E2F7: variants seen among roughly 807,000 people sequenced by gnomAD.
The protein encoded by E2F7 is E2F transcription factor 7, also known as transcription factor E2F7.
In E2F7, 35 loss-of-function variants were observed where a neutral mutation model predicts 81.1. The ratio of observed to expected loss-of-function variants is 0.43; its 90% confidence interval spans 0.33 to 0.57. The LOEUF (loss-of-function observed/expected upper bound fraction) is 0.57. Ranked by LOEUF, E2F7 falls within the 20% of genes least tolerant of loss-of-function variation. E2F7 has a pLI of 0.04. For missense variants in E2F7, 961 were observed against 1,093.7 expected (o/e 0.88, Z 1.71); for synonymous variants, 416 against 416.2 (o/e 1.00, Z 0.01).
intron 4 of E2F7, among the ~76,000 whole-genome samples, chr12:77,049,912 C>T (rs1369514320): frequency 1.3e-5 from 2 of 152,146 alleles, no homozygotes; most frequent in African/African-American, 4.8e-5. Context: ...GCTTATTTAA[C>T]GAGTGTCAAC....
At chr12:77,044,484 C>A in intron 6 of E2F7, 153 bp downstream of exon 6, 1 of 908,340 alleles carries the variant, frequency 1.1e-6, no homozygotes, top group Non-Finnish European at 1.6e-6. Context: ...GACTAACTTA[C>A]CTCTCACAGC....
rs1428976548 is a variant in E2F7, at chr12:77,021,665, A to C, written c.*2350T>G. The C allele has an allele frequency of 6.6e-6, 1 of 152,562 alleles. No homozygotes were observed. Among genetic ancestry groups the C allele is most frequent in the Non-Finnish European group, 1.5e-5 (1 of 68,006 alleles). The allele number at this position is 152,562 out of a possible 1,614,324, so 9.5% of individuals were successfully genotyped here. Reference sequence around the variant, plus strand: ...GTAGGGCACACACAGCCTCTGTGACAACTCAAAAAAGCTGCATTCTCTTAG... The same window carrying C: ...GTAGGGCACACACAGCCTCTGTGACCACTCAAAAAAGCTGCATTCTCTTAG... On this transcript the variant is annotated 3_prime_UTR_variant, in exon 13 of 13. Coordinates refer to ENST00000322886, the MANE Select transcript of E2F7 (RefSeq NM_203394.3).
intron 5 of E2F7, 142 bp downstream of exon 5, chr12:77,045,896 C>T (rs1193541455): frequency 9.0e-7 from 1 of 1,111,152 alleles, no homozygotes; most frequent in Non-Finnish European, 1.3e-6. Flanking sequence ...CCATCTGCTT[C>T]TCTTTCTTCA....
Position 77,025,967 on chromosome 12 carries a change from T to C in E2F7, c.2156A>G (p.Asn719Ser), listed in dbSNP as rs1220655988. ...GGTTTGACTGCCAGATAAAAGTACATTGAAACCATTTAATCCTGAAAGAAA... is the reference window on the plus strand; with the variant it reads ...GGTTTGACTGCCAGATAAAAGTACACTGAAACCATTTAATCCTGAAAGAAA... ...VQSPAGLNGF[N>S]VLLSGSQTPP... The change falls in exon 12 of 13, where the codon AAT becomes AGT. Residue 719 changes from asparagine (N) to serine (S), a missense_variant. By Grantham distance (46) the Asn-to-Ser change is conservative. Coordinates refer to ENST00000322886, the MANE Select transcript of E2F7 (RefSeq NM_203394.3). 5.6e-6 allele frequency: 9 copies of C among 1,609,148 alleles called. No individual in the cohort carries two copies. Among genetic ancestry groups the C allele is most frequent in the African/African-American group, 4.0e-5 (3 of 74,564 alleles).
Position 77,021,258 on chromosome 12 carries a change from A to G in E2F7, c.*2757T>C, listed in dbSNP as rs1279485945. 6.6e-6 allele frequency: 1 copy of G among 152,636 alleles called. No individual in the cohort carries two copies. Among genetic ancestry groups the G allele is most frequent in the African/African-American group, 2.4e-5 (1 of 41,442 alleles). 9.5% of individuals were successfully genotyped at this position (152,636 alleles called of 1,614,324 possible). A position where few individuals can be genotyped will look rare whatever the true frequency, so the allele number is the denominator to read the frequency against. On this transcript the variant is annotated 3_prime_UTR_variant, in exon 13 of 13. Coordinates refer to ENST00000322886, the MANE Select transcript of E2F7 (RefSeq NM_203394.3). The stretch of plus-strand genomic sequence containing the variant: ...TACAACCACCATCTCTTCTTAAATG[A>G]ATTATTTTTTATTGCTATTTTATAA...
intron 2 of E2F7, among the ~76,000 whole-genome samples, chr12:77,057,448 A>C (rs536507058): frequency 6.6e-6 from 1 of 152,138 alleles, no homozygotes; most frequent in South Asian, 2.1e-4. Flanking sequence ...GGCTTCAAGT[A>C]ATCATCCCAT....
At chr12:77,041,529 A>G (rs1163088027) in intron 7 of E2F7, among the ~76,000 whole-genome samples, 1 of 152,096 alleles carries the variant, frequency 6.6e-6, no homozygotes. Context: ...ACCACCTTTG[A>G]GTCCTTCCTC....
At chr12:77,038,317 T>C (rs566705890) in intron 7 of E2F7, among the ~76,000 whole-genome samples, 1 of 152,254 alleles carries the variant, frequency 6.6e-6, no homozygotes, top group Non-Finnish European at 1.5e-5. Flanking sequence ...ACAGAATATA[T>C]ACTCTGTATA....
chr12:77,061,631 A>T (rs1955079325), intron 2 of E2F7, among the ~76,000 whole-genome samples: 1 of 152,228 alleles, frequency 6.6e-6, no homozygotes, highest in South Asian at 2.1e-4. Context: ...AAGTTTCTCC[A>T]TGACTGGTAA....
At chr12:77,057,264 C>T (rs963113204) in intron 2 of E2F7, among the ~76,000 whole-genome samples, 11 of 151,756 alleles carry the variant, frequency 7.2e-5, no homozygotes, top group Admixed American at 1.3e-4. Flanking sequence ...TGTGTGGAGA[C>T]GGGGTCTTGC....
intron 5 of E2F7, among the ~76,000 whole-genome samples, 164 bp from the exon 6 acceptor site, chr12:77,044,959 G>A (rs1954926540): frequency 6.6e-6 from 1 of 152,208 alleles, no homozygotes; most frequent in Admixed American, 6.5e-5. Flanking sequence ...AGCTCAGGAA[G>A]AAATGAGGCA....
chr12:77,028,790 A>G (rs186506560), intron 10 of E2F7, among the ~76,000 whole-genome samples: 1 of 152,326 alleles, frequency 6.6e-6, no homozygotes, highest in Admixed American at 6.5e-5. Context: ...GTAAATCTTA[A>G]TAACAGCTTT....
intron 9 of E2F7, among the ~76,000 whole-genome samples, chr12:77,031,720 C>A (rs1442491605): frequency 6.6e-6 from 1 of 152,090 alleles, no homozygotes; most frequent in Non-Finnish European, 1.5e-5. Context: ...AACAGAGGAC[C>A]AGGATTTCTT....
chr12:77,030,533 G>T (rs1364820110), intron 9 of E2F7, among the ~76,000 whole-genome samples: 1 of 152,140 alleles, frequency 6.6e-6, no homozygotes, highest in Non-Finnish European at 1.5e-5. Flanking sequence ...GGATGGGGTG[G>T]GAGAGCCGAA....
intron 10 of E2F7, among the ~76,000 whole-genome samples, chr12:77,028,752 C>G (rs908825890): frequency 2.0e-5 from 3 of 152,218 alleles, no homozygotes; most frequent in Non-Finnish European, 4.4e-5. Flanking sequence ...GGATTACAGG[C>G]ATAAGCCACC....
intron 2 of E2F7, among the ~76,000 whole-genome samples, chr12:77,061,754 C>T (rs540928046): frequency 2.6e-5 from 4 of 152,302 alleles, no homozygotes; most frequent in East Asian, 1.9e-4. Flanking sequence ...AGGTATTCCC[C>T]GGAGAGATTC....
intron 9 of E2F7, among the ~76,000 whole-genome samples, chr12:77,032,692 C>T (rs1196408500): frequency 6.6e-6 from 1 of 152,140 alleles, no homozygotes; most frequent in Non-Finnish European, 1.5e-5. Flanking sequence ...CACTAAGGCT[C>T]CTGGAACGGT....
At chr12:77,037,347 T>A (rs1362608666) in intron 7 of E2F7, among the ~76,000 whole-genome samples, 1 of 152,124 alleles carries the variant, frequency 6.6e-6, no homozygotes, top group South Asian at 2.1e-4. Flanking sequence ...TCCTAACACT[T>A]TGGAAGGCTG....
At position 77,056,148 on chromosome 12, in the gene E2F7, CT is replaced by C. The variant is rs1344286922; in HGVS notation, c.94-19del. On this transcript the variant is annotated intron_variant, in intron 2 of 12. Transcript: ENST00000322886. Reference sequence around the variant, plus strand: ...ATATTTTCCTATTTTAAAAAAGAAACTTTTAGCAAGAATGAGAAAGGGCAGG... The same window carrying C: ...ATATTTTCCTATTTTAAAAAAGAAACTTTAGCAAGAATGAGAAAGGGCAGG... 6.4e-7 allele frequency: 1 copy of C among 1,571,534 alleles called. No individual in the cohort carries two copies. The highest frequency in any genetic ancestry group is 2.2e-5 in the East Asian group (1 of 44,734).
Sources: gnomAD v4.1 joint callset for allele counts (sites outside exome capture counted in the v4.1 genomes callset) on GRCh38, gnomAD v4.1.1 for gene constraint, MANE v1.5 for transcripts, NCBI Gene and HGNC (gene_info 2026-07-23, HGNC 2026-07-21) for gene names.